The following ADORA1 variants were observed in gnomAD, a reference collection of about 807,000 sequenced individuals.
ADORA1 encodes the protein adenosine receptor A1.
A neutral mutation model predicts 19.9 loss-of-function variants in ADORA1; 6 were observed. The observed-to-expected ratio is 0.30, with a 90% confidence interval of 0.17 to 0.59. The LOEUF is 0.59. Ranked by LOEUF, ADORA1 falls within the 20% of genes least tolerant of loss-of-function variation. ADORA1 has a pLI of 0.87. For missense variants in ADORA1, 302 were observed against 439.2 expected (o/e 0.69, Z 2.79); for synonymous variants, 194 against 188.4 (o/e 1.03, Z -0.24).
intron 3 of ADORA1, among the ~76,000 whole-genome samples, chr1:203,148,569 G>A (rs1344907542): frequency 1.3e-5 from 2 of 152,156 alleles, no homozygotes; most frequent in African/African-American, 4.8e-5. Flanking sequence ...CCTGAGCCTT[G>A]GCCCCCCTAG....
At chr1:203,139,901 T>A (rs905126713) in intron 3 of ADORA1, among the ~76,000 whole-genome samples, 1 of 152,216 alleles carries the variant, frequency 6.6e-6, no homozygotes, top group Non-Finnish European at 1.5e-5. Context: ...CAGTAAGGCC[T>A]TGGAGGCCTT....
intron 3 of ADORA1, among the ~76,000 whole-genome samples, chr1:203,142,979 G>A (rs1654742821): frequency 6.6e-6 from 1 of 152,146 alleles, no homozygotes; most frequent in Non-Finnish European, 1.5e-5. Flanking sequence ...GGTCCCCTGG[G>A]GCCATAACTG....
chr1:203,150,461 T>C (rs943659585), intron 3 of ADORA1, among the ~76,000 whole-genome samples: 8 of 152,182 alleles, frequency 5.3e-5, no homozygotes, highest in African/African-American at 1.7e-4. Context: ...TGAGTGCTTA[T>C]GTGGAGGGAC....
chr1:203,128,731 C>T lies in ADORA1; in HGVS notation c.-57-54C>T, dbSNP rs1654233923. On this transcript the variant is annotated intron_variant, in intron 2 of 3. Coordinates refer to ENST00000337894, the MANE Select transcript of ADORA1 (RefSeq NM_000674.3). The surrounding 1 kb of genome is among the most constrained non-coding windows in gnomAD (Gnocchi z 5.9). ...ACCTGGAGTTCCAGGGCAGCCTGAG[C>T]TCCCTGCCCCTCCCAGACGGGTCTC... 3 of 1,500,338 alleles carry T rather than the reference C, an allele frequency of 2.0e-6. No individual in the cohort carries two copies. The highest frequency in any genetic ancestry group is 2.3e-5 in the East Asian group (1 of 43,946). The allele number at this position is 1,500,338 out of a possible 1,614,324, so 92.9% of individuals were successfully genotyped here. A position where few individuals can be genotyped will look rare whatever the true frequency, so the allele number is the denominator to read the frequency against.
intron 3 of ADORA1, among the ~76,000 whole-genome samples, chr1:203,144,119 CA>C (rs1350404737): frequency 7.7e-4 from 114 of 147,186 alleles, no homozygotes; most frequent in Non-Finnish European, 1.2e-3. Context: ...CACACACACA[CA>C]CAGCTGTTCC....
chr1:203,148,173 C>A (rs1654922080), intron 3 of ADORA1, among the ~76,000 whole-genome samples: 1 of 152,184 alleles, frequency 6.6e-6, no homozygotes, highest in Admixed American at 6.5e-5. Context: ...GAGCTGAGAT[C>A]CCGCACCACT....
chr1:203,150,449 G>A (rs548764025), intron 3 of ADORA1, among the ~76,000 whole-genome samples: 1 of 152,318 alleles, frequency 6.6e-6, no homozygotes, highest in Non-Finnish European at 1.5e-5. Flanking sequence ...CTGTGGGCTT[G>A]GTGAGTGCTT....
In ADORA1 at chr1:203,165,071, C is replaced by A; in HGVS notation, c.342-190C>A. The stretch of plus-strand genomic sequence containing the variant: ...CTCTCTGTAGGAGAATAAGCCAATG[C>A]ATGGCAAGCACTAAATCTTAGATCC... On this transcript the variant is annotated intron_variant, in intron 3 of 3. Transcript: ENST00000337894. This position sits in a 1 kb window ranked among gnomAD's most constrained non-coding sequence, Gnocchi z 5.9. 6.4e-7 allele frequency: 1 copy of A among 1,550,614 alleles called. No individual in the cohort carries two copies. Among genetic ancestry groups the A allele is most frequent in the South Asian group, 1.2e-5 (1 of 84,082 alleles).
At chr1:203,149,718 AG>A (rs1420460823) in intron 3 of ADORA1, among the ~76,000 whole-genome samples, 1 of 152,128 alleles carries the variant, frequency 6.6e-6, no homozygotes, top group South Asian at 2.1e-4. Context: ...GCTGCCTGCC[AG>A]GGGGGATGTT....
At chr1:203,130,995 G>A (rs756588505) in intron 3 of ADORA1, among the ~76,000 whole-genome samples, 1 of 152,120 alleles carries the variant, frequency 6.6e-6, no homozygotes, top group Non-Finnish European at 1.5e-5. Context: ...TTACCTAACC[G>A]CTTTAAGCTT....
At chr1:203,163,371 C>T (rs1394255401) in intron 3 of ADORA1, among the ~76,000 whole-genome samples, 1 of 152,210 alleles carries the variant, frequency 6.6e-6, no homozygotes, top group Non-Finnish European at 1.5e-5. Context: ...GGTCTTCTCA[C>T]TCCCAGTGTC....
At chr1:203,141,951 TC>T (rs1365537754) in intron 3 of ADORA1, among the ~76,000 whole-genome samples, 1 of 152,124 alleles carries the variant, frequency 6.6e-6, no homozygotes, top group Non-Finnish European at 1.5e-5. Flanking sequence ...ACAGAGACAC[TC>T]TAATGAACTG....
At chr1:203,132,722 C>T (rs549349301) in intron 3 of ADORA1, among the ~76,000 whole-genome samples, 203 of 152,306 alleles carry the variant, frequency 1.3e-3, no homozygotes, top group African/African-American at 4.4e-3. Context: ...TGGCACATGC[C>T]TGTCATCCCA....
chr1:203,157,646 A>G (rs1243289723), intron 3 of ADORA1, among the ~76,000 whole-genome samples: 1 of 152,146 alleles, frequency 6.6e-6, no homozygotes, highest in Non-Finnish European at 1.5e-5. Context: ...CAGGCTGTCC[A>G]TGATATCCTT....
chr1:203,134,523 G>A (rs945455428), intron 3 of ADORA1, among the ~76,000 whole-genome samples: 6 of 152,200 alleles, frequency 3.9e-5, no homozygotes, highest in Non-Finnish European at 5.9e-5. Context: ...AGCTGGCATC[G>A]GGTGGCTTCC....
intron 3 of ADORA1, among the ~76,000 whole-genome samples, chr1:203,161,667 G>A (rs762666763): frequency 6.6e-6 from 1 of 151,678 alleles, no homozygotes; most frequent in African/African-American, 2.4e-5. Context: ...CGCCTCCTGG[G>A]TTCAAGCAAT....
chr1:203,153,938 G>C (rs1248925191), intron 3 of ADORA1, among the ~76,000 whole-genome samples: 2 of 152,144 alleles, frequency 1.3e-5, no homozygotes, highest in East Asian at 3.9e-4. Flanking sequence ...GAGGGGACCA[G>C]AGCTATGAAC....
intron 3 of ADORA1, chr1:203,144,565 A>G (rs1464877800): frequency 6.6e-6 from 1 of 152,236 alleles, no homozygotes; most frequent in Non-Finnish European, 1.5e-5. Context: ...ACTACTAGGT[A>G]ACAGCCACAC....
intron 3 of ADORA1, among the ~76,000 whole-genome samples, chr1:203,139,677 G>A (rs1654617508): frequency 6.6e-6 from 1 of 152,198 alleles, no homozygotes; most frequent in Admixed American, 6.5e-5. Context: ...ATGAGATTAA[G>A]GACCTTACCA....
Sources: gnomAD v4.1 joint callset for allele counts (sites outside exome capture counted in the v4.1 genomes callset) on GRCh38, gnomAD v4.1.1 for gene constraint, Gnocchi (gnomAD v3.1) non-coding constraint, MANE v1.5 for transcripts, NCBI Gene and HGNC (gene_info 2026-07-23, HGNC 2026-07-21) for gene names.